SAMD3: variants seen among roughly 807,000 people sequenced by gnomAD.
SAMD3 encodes sterile alpha motif domain containing 3.
A neutral mutation model predicts 58.5 loss-of-function variants in SAMD3; 63 were observed. That is an observed-to-expected ratio of 1.08 (90% CI 0.88 to 1.33). The LOEUF (loss-of-function observed/expected upper bound fraction) is 1.33. SAMD3 is among the 40% of genes most tolerant of loss of function. The probability of loss-of-function intolerance (pLI) is 0.00; values close to 1 mark genes in which losing one functional copy is unlikely to be tolerated. For synonymous variants in SAMD3, 220 were observed against 210.3 expected (o/e 1.05, Z -0.40); for missense variants, 604 against 608.4 (o/e 0.99, Z 0.08).
chr6:130,171,254 T>C (rs547742797), intron 8 of SAMD3, among the ~76,000 whole-genome samples: 3 of 152,190 alleles, frequency 2.0e-5, no homozygotes, highest in Non-Finnish European at 4.4e-5. Flanking sequence ...TTGATTTGCT[T>C]ATGTTGAACC....
intron 2 of SAMD3, among the ~76,000 whole-genome samples, chr6:130,234,178 G>A (rs1354747417): frequency 6.6e-6 from 1 of 152,126 alleles, no homozygotes; most frequent in African/African-American, 2.4e-5. Context: ...TATGTAGTTA[G>A]CTGAGGCTTA....
At chr6:130,211,935 T>C (rs2114835748) in intron 4 of SAMD3, among the ~76,000 whole-genome samples, 1 of 150,210 alleles carries the variant, frequency 6.7e-6, no homozygotes, top group South Asian at 2.2e-4. Flanking sequence ...ACAGACTCTT[T>C]AGAACGGACC....
At chr6:130,350,002 C>A (rs1320889488) in intron 1 of SAMD3, among the ~76,000 whole-genome samples, 2 of 152,136 alleles carry the variant, frequency 1.3e-5, no homozygotes, top group African/African-American at 4.8e-5. Context: ...GCAGAAAAGG[C>A]CTTTGACAAA....
chr6:130,352,521 A>G (rs1408354945), intron 1 of SAMD3, among the ~76,000 whole-genome samples: 1 of 151,108 alleles, frequency 6.6e-6, no homozygotes, highest in Non-Finnish European at 1.5e-5. Flanking sequence ...AGGGACCCCA[A>G]ATACCCACCT....
intron 5 of SAMD3, among the ~76,000 whole-genome samples, chr6:130,207,130 T>C (rs1417730871): frequency 5.5e-5 from 7 of 126,722 alleles, no homozygotes; most frequent in South Asian, 4.8e-4. Context: ...GCCTGGGTGA[T>C]AGAGAGATGG....
intron 5 of SAMD3, among the ~76,000 whole-genome samples, chr6:130,187,276 A>G (rs141281815): frequency 0.011 from 1,612 of 151,590 alleles, 28 homozygotes; most frequent in African/African-American, 0.034. Context: ...AGCTCGTTAC[A>G]CTGTTTGTCT....
chr6:130,313,336 G>A (rs1776250545), intron 1 of SAMD3, among the ~76,000 whole-genome samples: 2 of 152,264 alleles, frequency 1.3e-5, no homozygotes, highest in South Asian at 4.1e-4. Context: ...CATCCCTGGT[G>A]TCTATCCACT....
intron 5 of SAMD3, among the ~76,000 whole-genome samples, chr6:130,200,138 A>G (rs760077972): frequency 4.6e-5 from 7 of 152,112 alleles, no homozygotes; most frequent in Admixed American, 1.3e-4. Flanking sequence ...CCATTCCCCA[A>G]TTCCTCTTGG....
At chr6:130,359,731 G>A (rs891299669) in intron 1 of SAMD3, among the ~76,000 whole-genome samples, 2 of 152,190 alleles carry the variant, frequency 1.3e-5, no homozygotes, top group Non-Finnish European at 2.9e-5. Context: ...AATACATTAT[G>A]TGAATGCTTT....
intron 5 of SAMD3, among the ~76,000 whole-genome samples, chr6:130,198,217 G>A (rs755598028): frequency 4.6e-5 from 7 of 152,190 alleles, no homozygotes; most frequent in South Asian, 2.1e-4. Flanking sequence ...ACACGGACGC[G>A]CATGAAAACA....
intron 5 of SAMD3, among the ~76,000 whole-genome samples, chr6:130,201,308 A>T (rs1020979238): frequency 6.6e-6 from 1 of 152,184 alleles, no homozygotes; most frequent in Non-Finnish European, 1.5e-5. Flanking sequence ...CTCACTATAC[A>T]TTATAATTAC....
chr6:130,163,523 C>G (rs9375708), intron 8 of SAMD3, among the ~76,000 whole-genome samples: 101,780 of 152,030 alleles, frequency 0.67, 35,464 homozygotes, highest in East Asian at 0.93. Context: ...CAACCTTGCC[C>G]CATGTTTCCA....
intron 9 of SAMD3, among the ~76,000 whole-genome samples, chr6:130,150,674 G>A (rs1362169563): frequency 6.6e-6 from 1 of 151,254 alleles, no homozygotes; most frequent in African/African-American, 2.4e-5. Context: ...GATGAATGCT[G>A]AGGTGTTCTG....
intron 1 of SAMD3, among the ~76,000 whole-genome samples, chr6:130,320,883 C>A (rs1447030878): frequency 6.6e-6 from 1 of 152,208 alleles, no homozygotes; most frequent in Non-Finnish European, 1.5e-5. Context: ...TTCCTGGGCT[C>A]CAGACAAGCA....
chr6:130,176,127 T>A (rs765033419), intron 7 of SAMD3, 119 bp from the exon 8 acceptor site: 1 of 793,698 alleles, frequency 1.3e-6, no homozygotes, highest in South Asian at 1.5e-5. Flanking sequence ...TATTTTCACA[T>A]CATGGTAATA....
chr6:130,323,787 AG>A (rs1204883718), intron 1 of SAMD3, among the ~76,000 whole-genome samples: 1 of 128,342 alleles, frequency 7.8e-6, no homozygotes, highest in African/African-American at 3.3e-5. Flanking sequence ...TGGGTCACAG[AG>A]GTAGACTCTG....
At chr6:130,318,961 A>T (rs1282764468) in intron 1 of SAMD3, among the ~76,000 whole-genome samples, 4 of 152,228 alleles carry the variant, frequency 2.6e-5, no homozygotes, top group African/African-American at 9.6e-5. Flanking sequence ...TGAAGATACA[A>T]AAATCGAATT....
chr6:130,163,171 T>C (rs1434992716), intron 8 of SAMD3, among the ~76,000 whole-genome samples: 1 of 152,196 alleles, frequency 6.6e-6, no homozygotes, highest in Non-Finnish European at 1.5e-5. Flanking sequence ...ATGTAAAATA[T>C]CTCATTAAAA....
At chr6:130,308,688 A>G (rs1776035032) in intron 2 of SAMD3, among the ~76,000 whole-genome samples, 1 of 152,100 alleles carries the variant, frequency 6.6e-6, no homozygotes, top group Non-Finnish European at 1.5e-5. Context: ...TGAGAAATGA[A>G]TTGACCCCAA....
Sources: allele counts gnomAD v4.1 joint callset (sites outside exome capture counted in the v4.1 genomes callset), GRCh38; gene constraint gnomAD v4.1.1; transcripts MANE v1.5; gene names NCBI Gene and HGNC (gene_info 2026-07-23, HGNC 2026-07-21).